Variants in ZBTB46 observed in about 807,000 individuals in gnomAD.
The protein encoded by ZBTB46 is zinc finger and BTB domain containing 46.
ZBTB46 carries 8 observed loss-of-function variants against 44.1 expected under a neutral mutation model. The ratio of observed to expected loss-of-function variants is 0.18; its 90% CI spans 0.11 to 0.33. The LOEUF is 0.33. Among genes scored for constraint, ZBTB46 ranks in the 10% least tolerant of loss-of-function variants. The pLI is 1.00. For synonymous variants in ZBTB46, 409 were observed against 382.3 expected (o/e 1.07, Z -0.81); for missense variants, 651 against 847.7 (o/e 0.77, Z 2.88).
chr20:63,815,929 GCAGTGGGTGCAGGTA>G (rs1202096735), intron 1 of ZBTB46, among the ~76,000 whole-genome samples: 9 of 143,902 alleles, frequency 6.3e-5, no homozygotes, highest in African/African-American at 2.4e-4. Context: ...GGGCACAGGT[GCAGTGGGTGCAGGTA>G]CAGTGGGCAC....
intron 1 of ZBTB46, among the ~76,000 whole-genome samples, chr20:63,813,221 G>T (rs1231547862): frequency 4.6e-5 from 7 of 152,126 alleles, no homozygotes; most frequent in Admixed American, 2.6e-4. Context: ...GGCTGAGGCG[G>T]GTGGATCATC....
rs548572711 is a variant in ZBTB46, at chr20:63,787,065, C to A, written c.937+2756G>T. ...GTGTCAAAGTAGAACAGCATTTACCCGCAGGTGGGGTAGAGGCAAGAGGAA... is the reference window on the plus strand; with the variant it reads ...GTGTCAAAGTAGAACAGCATTTACCAGCAGGTGGGGTAGAGGCAAGAGGAA... On this transcript the variant is annotated intron_variant, in intron 2 of 4. Transcript: ENST00000245663. This position sits in a 1 kb window ranked among gnomAD's most constrained non-coding sequence, Gnocchi z 4.6. Among the ~76,000 whole-genome samples the A allele has an allele frequency of 1.5e-4, 23 of 152,202 alleles. No individual in the cohort carries two copies. Among genetic ancestry groups the A allele is most frequent in the Admixed American group, 1.1e-3 (17 of 15,272 alleles).
chr20:63,789,196 C>T lies in ZBTB46; in HGVS notation c.937+625G>A, dbSNP rs563629131. Among the ~76,000 whole-genome samples, 86 of 152,152 alleles carry T rather than the reference C, an allele frequency of 5.7e-4. 1 individual carries two copies. Among genetic ancestry groups the T allele is most frequent in the Admixed American group, 7.2e-4 (11 of 15,286 alleles). ...CTGTTGGCTTCAACAGCAGAACCCA[C>T]AGGTGTCAGCAGACACAAAATCCAC... On this transcript the variant is annotated intron_variant, in intron 2 of 4. Transcript: ENST00000245663.
intron 1 of ZBTB46, among the ~76,000 whole-genome samples, chr20:63,827,577 C>T (rs191574817): frequency 0.18 from 26,243 of 147,368 alleles, 2,855 homozygotes; most frequent in East Asian, 0.46. Flanking sequence ...CACTGCAGTC[C>T]GCAGTCCGGC....
At chr20:63,823,878 G>GTGTGTGTGTGTGTGTGTA (rs1468469650) in intron 1 of ZBTB46, among the ~76,000 whole-genome samples, 1 of 151,784 alleles carries the variant, frequency 6.6e-6, no homozygotes, top group African/African-American at 2.4e-5. Context: ...GTGTGTGTGT[G>GTGTGTGTGTGTGTGTGTA]TGTGTGTGTG....
intron 1 of ZBTB46, among the ~76,000 whole-genome samples, chr20:63,807,605 A>G (rs555937739): frequency 1.3e-5 from 2 of 152,330 alleles, no homozygotes; most frequent in South Asian, 4.1e-4. Flanking sequence ...TCGGCCTCCC[A>G]AAGTGTTGGG....
chr20:63,800,820 C>T (rs1386345031), intron 1 of ZBTB46, among the ~76,000 whole-genome samples: 2 of 152,228 alleles, frequency 1.3e-5, no homozygotes, highest in Non-Finnish European at 1.5e-5. Flanking sequence ...GAGCCTCCCC[C>T]TCCCCGCAGT....
rs374142986 is a variant in ZBTB46, at chr20:63,809,798, C to CA, written c.-33-19009dup. ...GCAACATGGTGAGACCCCATCTCTA[C>CA]AAAAAATAGAAAAAATTAGCCGGGC... On this transcript the variant is annotated intron_variant, in intron 1 of 4. Transcript: ENST00000245663. Among the ~76,000 whole-genome samples the CA allele has an allele frequency of 3.2e-3, 492 of 151,820 alleles. 2 individuals are homozygous for CA. The highest frequency in any genetic ancestry group is 0.011 in the African/African-American group (449 of 41,422).
intron 1 of ZBTB46, among the ~76,000 whole-genome samples, chr20:63,821,151 A>C (rs2092789832): frequency 6.6e-6 from 1 of 150,422 alleles, no homozygotes; most frequent in South Asian, 2.1e-4. Context: ...TCAGCCTCCC[A>C]AAGTATTACA....
intron 2 of ZBTB46, among the ~76,000 whole-genome samples, chr20:63,782,612 A>G (rs2092480091): frequency 6.6e-6 from 1 of 152,224 alleles, no homozygotes. Flanking sequence ...AGAGCCTCAC[A>G]GCCCTGAGCC....
chr20:63,806,743 G>C (rs1488240096), intron 1 of ZBTB46, among the ~76,000 whole-genome samples: 1 of 151,516 alleles, frequency 6.6e-6, no homozygotes, highest in Admixed American at 6.6e-5. Flanking sequence ...CATGTAGCTG[G>C]GACTACAGGC....
intron 1 of ZBTB46, among the ~76,000 whole-genome samples, chr20:63,793,415 C>T (rs891197175): frequency 1.2e-4 from 18 of 152,186 alleles, no homozygotes; most frequent in Admixed American, 1.3e-4. Context: ...GTGACCAAAA[C>T]ACACTTCAAA....
intron 3 of ZBTB46, among the ~76,000 whole-genome samples, chr20:63,771,111 C>T (rs1265026376): frequency 6.6e-6 from 1 of 152,178 alleles, no homozygotes; most frequent in Non-Finnish European, 1.5e-5. Flanking sequence ...TCAGAGCTGG[C>T]CTGAGTTGAA....
chr20:63,815,389 GA>G (rs2092743436), intron 1 of ZBTB46, among the ~76,000 whole-genome samples: 1 of 149,918 alleles, frequency 6.7e-6, no homozygotes, highest in South Asian at 2.1e-4. Context: ...CAGGTGCAGT[GA>G]GTGCAGGTGC....
intron 1 of ZBTB46, among the ~76,000 whole-genome samples, chr20:63,807,200 A>C (rs2092687158): frequency 6.6e-6 from 1 of 152,160 alleles, no homozygotes; most frequent in Non-Finnish European, 1.5e-5. Flanking sequence ...AAGTTTATTG[A>C]CTATTGATTC....
At chr20:63,822,652 GAGCACAGGACACGGCCAACCCGGCA>G (rs2092798692) in intron 1 of ZBTB46, among the ~76,000 whole-genome samples, 1 of 152,128 alleles carries the variant, frequency 6.6e-6, no homozygotes, top group Admixed American at 6.6e-5. Flanking sequence ...ACCACACGGC[GAGCACAGGACACGGCCAACCCGGCA>G]AGCACGAAAA....
intron 1 of ZBTB46, among the ~76,000 whole-genome samples, chr20:63,809,609 A>G (rs1338332917): frequency 6.6e-6 from 1 of 152,164 alleles, no homozygotes; most frequent in Non-Finnish European, 1.5e-5. Flanking sequence ...TAACTCAATG[A>G]TACAATTTTA....
At chr20:63,805,839 T>C (rs1313394056) in intron 1 of ZBTB46, among the ~76,000 whole-genome samples, 2 of 152,028 alleles carry the variant, frequency 1.3e-5, no homozygotes, top group East Asian at 3.9e-4. Flanking sequence ...CACTGAAGCC[T>C]TCGGCTCACT....
At chr20:63,771,557 G>A (rs947625586) in intron 3 of ZBTB46, among the ~76,000 whole-genome samples, 1 of 152,210 alleles carries the variant, frequency 6.6e-6, no homozygotes, top group African/African-American at 2.4e-5. Context: ...CGGCGAGTGG[G>A]GCTACGCCGT....
Sources: allele counts gnomAD v4.1 joint callset (sites outside exome capture counted in the v4.1 genomes callset), GRCh38; gene constraint gnomAD v4.1.1; non-coding constraint Gnocchi (gnomAD v3.1); transcripts MANE v1.5; gene names NCBI Gene and HGNC (gene_info 2026-07-23, HGNC 2026-07-21).